CPQ: variants seen among roughly 807,000 people sequenced by gnomAD.
CPQ encodes carboxypeptidase Q, also known as Ser-Met dipeptidase.
CPQ carries 37 observed loss-of-function variants against 45.7 expected under a neutral mutation model. The observed-to-expected ratio is 0.81, with a 90% confidence interval of 0.62 to 1.07. The LOEUF is 1.07. Among genes scored for constraint, CPQ ranks in the 50% least tolerant of loss-of-function variants. The probability of loss-of-function intolerance (pLI) is 0.00; values close to 1 mark genes in which losing one functional copy is unlikely to be tolerated. For synonymous variants in CPQ, 186 were observed against 205.8 expected (o/e 0.90, Z 0.82); for missense variants, 537 against 572.9 (o/e 0.94, Z 0.64).
chr8:96,882,800 A>G (rs1812245866), intron 4 of CPQ, among the ~76,000 whole-genome samples: 1 of 152,164 alleles, frequency 6.6e-6, no homozygotes, highest in South Asian at 2.1e-4. Context: ...TATAACTTAT[A>G]TAAAATAAAT....
rs367986169 is a variant in CPQ, at chr8:96,952,808, A to G, written c.850-13127A>G. On this transcript the variant is annotated intron_variant, in intron 4 of 7. Coordinates refer to ENST00000220763, the MANE Select transcript of CPQ (RefSeq NM_016134.4). ...CATCTGTAGAATCAAAACATAAAAAATAAATGTGAAAACAGGCAAATGTAG... is the reference window on the plus strand; with the variant it reads ...CATCTGTAGAATCAAAACATAAAAAGTAAATGTGAAAACAGGCAAATGTAG... 2.0e-5 allele frequency among the ~76,000 whole-genome samples: 3 copies of G among 152,286 alleles called. No individual in the cohort carries two copies. The South Asian group carries it at 6.2e-4, about 32-fold the overall frequency.
intron 7 of CPQ, among the ~76,000 whole-genome samples, chr8:97,070,135 C>G (rs1321169987): frequency 6.6e-6 from 1 of 152,172 alleles, no homozygotes; most frequent in African/African-American, 2.4e-5. Context: ...CAGATTCCAG[C>G]CTTCTCCCAT....
intron 5 of CPQ, among the ~76,000 whole-genome samples, chr8:96,967,265 A>G (rs1284494368): frequency 3.3e-5 from 5 of 152,206 alleles, no homozygotes; most frequent in Non-Finnish European, 7.3e-5. Context: ...AATCAGCTTG[A>G]TTGGAAGCAC....
At chr8:96,986,389 A>G (rs1808981311) in intron 5 of CPQ, among the ~76,000 whole-genome samples, 1 of 152,184 alleles carries the variant, frequency 6.6e-6, no homozygotes, top group Non-Finnish European at 1.5e-5. Context: ...AATTTATATA[A>G]TCAGCTCTCA....
intron 5 of CPQ, among the ~76,000 whole-genome samples, chr8:96,978,613 C>T (rs531180141): frequency 6.6e-6 from 1 of 152,300 alleles, no homozygotes; most frequent in African/African-American, 2.4e-5. Flanking sequence ...CCCTTTTCTA[C>T]AGCATGCTTA....
intron 1 of CPQ, among the ~76,000 whole-genome samples, chr8:96,752,220 A>G (rs1253155131): frequency 2.0e-5 from 3 of 152,192 alleles, no homozygotes; most frequent in African/African-American, 7.2e-5. Context: ...TAGTTTGGGC[A>G]GTATGACCAT....
At position 97,010,123 on chromosome 8, in the gene CPQ, A is replaced by AT. The variant is rs1206639844; in HGVS notation, c.962-19279dup. Among the ~76,000 whole-genome samples, 3 of 152,196 alleles carry AT rather than the reference A, an allele frequency of 2.0e-5. No individual in the cohort carries two copies. The East Asian group carries it at 5.8e-4, about 29-fold the overall frequency. On this transcript the variant is annotated intron_variant, in intron 5 of 7. Coordinates refer to ENST00000220763, the MANE Select transcript of CPQ (RefSeq NM_016134.4). ...TGTGACTTAACACTGATGACCTTAC[A>AT]TGGAGGATTTAGTGAAAGTTATATT...
chr8:96,821,342 C>A (rs1404670881), intron 2 of CPQ, among the ~76,000 whole-genome samples: 1 of 151,500 alleles, frequency 6.6e-6, no homozygotes, highest in African/African-American at 2.4e-5. Flanking sequence ...CTTTTCAGGT[C>A]TTAAACAAAA....
intron 4 of CPQ, among the ~76,000 whole-genome samples, chr8:96,913,848 T>G (rs1812698630): frequency 6.6e-6 from 1 of 152,214 alleles, no homozygotes; most frequent in African/African-American, 2.4e-5. Flanking sequence ...CACACCCACA[T>G]AATTACCTTG....
chr8:97,037,183 G>A (rs1216775148), intron 6 of CPQ, among the ~76,000 whole-genome samples: 1 of 152,168 alleles, frequency 6.6e-6, no homozygotes, highest in Non-Finnish European at 1.5e-5. Flanking sequence ...TAGGTTTCAT[G>A]TTTCACTCTA....
intron 5 of CPQ, among the ~76,000 whole-genome samples, chr8:96,990,324 C>T (rs1809065954): frequency 6.6e-6 from 1 of 152,178 alleles, no homozygotes; most frequent in Non-Finnish European, 1.5e-5. Flanking sequence ...GTCTTTTCCA[C>T]AGCAGTCCTC....
intron 1 of CPQ, among the ~76,000 whole-genome samples, chr8:96,750,986 A>G (rs1178912609): frequency 1.3e-5 from 2 of 152,138 alleles, no homozygotes; most frequent in Non-Finnish European, 2.9e-5. Context: ...TTATGGTTGC[A>G]TAGTATTCCA....
chr8:96,745,213 C>T (rs956833714), intron 1 of CPQ, among the ~76,000 whole-genome samples: 1 of 152,078 alleles, frequency 6.6e-6, no homozygotes, highest in African/African-American at 2.4e-5. Context: ...GAGGCTGAGA[C>T]AGGAGAATCA....
chr8:96,737,086 A>G (rs540923417), intron 1 of CPQ, among the ~76,000 whole-genome samples: 5 of 151,452 alleles, frequency 3.3e-5, no homozygotes, highest in Admixed American at 6.6e-5. Flanking sequence ...CTTCTAGTCT[A>G]TCTTTGCTTT....
intron 1 of CPQ, among the ~76,000 whole-genome samples, chr8:96,710,537 C>T (rs1232008256): frequency 6.6e-6 from 1 of 152,022 alleles, no homozygotes; most frequent in Non-Finnish European, 1.5e-5. Context: ...GGTTTTGAAA[C>T]CTTGTGTCAC....
At position 96,861,576 on chromosome 8, in the gene CPQ, C is replaced by T. The variant is rs114702127; in HGVS notation, c.642-18222C>T. On this transcript the variant is annotated intron_variant, in intron 3 of 7. Transcript: ENST00000220763. ...TCTCACTTCCCTTTGCTAATTCTGG[C>T]GTCAGAAGTTATTGCAGAGAACATA... Among the ~76,000 whole-genome samples the T allele has an allele frequency of 5.4e-3, 823 of 152,136 alleles. 3 individuals are homozygous for T. Among genetic ancestry groups the T allele is most frequent in the African/African-American group, 0.016 (647 of 41,532 alleles).
intron 7 of CPQ, among the ~76,000 whole-genome samples, chr8:97,077,184 T>C (rs1810863647): frequency 6.6e-6 from 1 of 152,176 alleles, no homozygotes; most frequent in African/African-American, 2.4e-5. Context: ...AAGTCACGAC[T>C]TTTCCCTGCT....
At chr8:97,091,864 A>ATGGC (rs1811132281) in intron 7 of CPQ, among the ~76,000 whole-genome samples, 1 of 151,780 alleles carries the variant, frequency 6.6e-6, no homozygotes, top group Non-Finnish European at 1.5e-5. Context: ...AGATGGATGG[A>ATGGC]TGGATGGATG....
intron 4 of CPQ, among the ~76,000 whole-genome samples, chr8:96,882,723 G>A (rs4236843): frequency 0.51 from 78,168 of 151,940 alleles, 20,644 homozygotes; most frequent in African/African-American, 0.62. Context: ...TGGCTAGGAG[G>A]GCTTGGGCCT....
Sources: gnomAD v4.1 joint callset for allele counts (sites outside exome capture counted in the v4.1 genomes callset) on GRCh38, gnomAD v4.1.1 for gene constraint, MANE v1.5 for transcripts, NCBI Gene and HGNC (gene_info 2026-07-23, HGNC 2026-07-21) for gene names.